Variants in HDAC9 observed in about 807,000 individuals in gnomAD.
The protein encoded by HDAC9 is MEF-2 interacting transcription repressor (MITR) protein.
In HDAC9, 41 loss-of-function variants were observed where a neutral mutation model predicts 139.4. The observed-to-expected ratio is 0.29, with a 90% CI of 0.23 to 0.38. HDAC9 has a LOEUF of 0.38. HDAC9 is among the 10% of genes least tolerant of loss of function. HDAC9 has a pLI of 1.00. For synonymous variants in HDAC9, 517 were observed against 476.2 expected (o/e 1.09, Z -1.12); for missense variants, 1,147 against 1,297.0 (o/e 0.88, Z 1.78).
chr7:18,777,096 G>C (rs1481248024), intron 16 of HDAC9, among the ~76,000 whole-genome samples: 1 of 151,930 alleles, frequency 6.6e-6, no homozygotes, highest in African/African-American at 2.4e-5. Context: ...GGGGGTGGGG[G>C]CACACTTACT....
intron 21 of HDAC9, among the ~76,000 whole-genome samples, chr7:18,869,147 G>GGT (rs58034239): frequency 0.16 from 21,653 of 138,008 alleles, 1,834 homozygotes; most frequent in African/African-American, 0.23. Flanking sequence ...TCACAATTGG[G>GGT]GTGTGTGTGT....
chr7:18,691,685 C>T (rs1248150988), intron 12 of HDAC9, among the ~76,000 whole-genome samples: 1 of 152,074 alleles, frequency 6.6e-6, no homozygotes, highest in Non-Finnish European at 1.5e-5. Flanking sequence ...CTTCACCCTA[C>T]TCTGTGTGTC....
intron 23 of HDAC9, among the ~76,000 whole-genome samples, chr7:18,936,532 A>G (rs1469041675): frequency 2.0e-5 from 3 of 152,194 alleles, no homozygotes; most frequent in Non-Finnish European, 4.4e-5. Context: ...ATACTTTCTG[A>G]CTACTCTGCA....
intron 23 of HDAC9, among the ~76,000 whole-genome samples, chr7:18,943,138 C>T (rs1486398656): frequency 6.6e-6 from 1 of 151,972 alleles, no homozygotes; most frequent in Non-Finnish European, 1.5e-5. Flanking sequence ...GTGAGCCAAG[C>T]CTTCTTCATA....
In HDAC9 at chr7:18,141,219, G is replaced by C. The variant is rs981251715; in HGVS notation, c.-96-21010G>C. ...CAGTACATCTGAATGAGGTGATTAT[G>C]TTCCTTAAAAAGCACTTTCAGGACT... On this transcript the variant is annotated intron_variant, in intron 1 of 12. Transcript: ENST00000417496. Among the ~76,000 whole-genome samples, 37 of 152,278 alleles carry C rather than the reference G, an allele frequency of 2.4e-4. 1 individual carries two copies. In the Middle Eastern group the frequency reaches 0.01, roughly 42 times the overall value.
chr7:18,486,373 T>A (rs373292981), intron 1 of HDAC9, among the ~76,000 whole-genome samples: 15 of 152,278 alleles, frequency 9.9e-5, no homozygotes, highest in African/African-American at 3.6e-4. Flanking sequence ...CTAGAAAGTA[T>A]ATGATCATAA....
rs1038567309 is a variant in HDAC9 at position 18,297,997 on chromosome 7, G to A, written c.-42+7482G>A. Among the ~76,000 whole-genome samples, 8 of 152,174 alleles carry A rather than the reference G, an allele frequency of 5.3e-5. No homozygotes were observed. The East Asian group carries it at 9.7e-4, about 18-fold the overall frequency. Reference sequence around the variant, plus strand: ...ATTTAAATGTTACAGCTCTAAATTCGTTTTTCTCAGAGTCCTGCTACTTAC... The same window carrying A: ...ATTTAAATGTTACAGCTCTAAATTCATTTTTCTCAGAGTCCTGCTACTTAC... On this transcript the variant is annotated intron_variant, in intron 1 of 3. Transcript: ENST00000413509.
chr7:18,378,077 C>T (rs60862719), intron 1 of HDAC9, among the ~76,000 whole-genome samples: 5 of 152,102 alleles, frequency 3.3e-5, no homozygotes, highest in South Asian at 2.1e-4. Flanking sequence ...ATGAAGTGCT[C>T]GAAGGGTTTT....
In HDAC9 at chr7:18,386,404, T is replaced by C. The variant is rs192995459; in HGVS notation, c.-42+95889T>C. On this transcript the variant is annotated intron_variant, in intron 1 of 3. Coordinates refer to the HDAC9 transcript ENST00000413509. ...ACCTTTAAATGAGGTCTTATTTTCA[T>C]TGAACTTGCATAGAAAATCTTATTT... 3.5e-3 allele frequency among the ~76,000 whole-genome samples: 530 copies of C among 152,368 alleles called. 4 individuals carry two copies. Among genetic ancestry groups the C allele is most frequent in the Non-Finnish European group, 6.1e-3 (412 of 68,046 alleles).
chr7:18,519,402 A>G (rs890891709), intron 2 of HDAC9, among the ~76,000 whole-genome samples: 4 of 152,238 alleles, frequency 2.6e-5, no homozygotes, highest in African/African-American at 4.8e-5. Flanking sequence ...AAGCAGAAAT[A>G]TAAACTGTAA....
intron 2 of HDAC9, among the ~76,000 whole-genome samples, chr7:18,518,344 A>C (rs1803899110): frequency 1.3e-5 from 2 of 152,220 alleles, no homozygotes; most frequent in South Asian, 4.1e-4. Context: ...TCTGAATCTA[A>C]GAAAATTGTC....
intron 21 of HDAC9, among the ~76,000 whole-genome samples, chr7:18,857,355 G>GTGTGTGTC (rs1330743472): frequency 6.6e-6 from 1 of 151,722 alleles, no homozygotes; most frequent in African/African-American, 2.4e-5. Flanking sequence ...GTGTGTGTGT[G>GTGTGTGTC]TGTGTGTGTA....
chr7:18,774,262 T>C (rs1327140116), intron 16 of HDAC9, among the ~76,000 whole-genome samples: 1 of 152,102 alleles, frequency 6.6e-6, no homozygotes, highest in Non-Finnish European at 1.5e-5. Flanking sequence ...CTATGAAGAC[T>C]GATAAGACTA....
intron 17 of HDAC9, among the ~76,000 whole-genome samples, chr7:18,799,758 G>A (rs1225803124): frequency 1.3e-5 from 2 of 152,004 alleles, no homozygotes; most frequent in African/African-American, 4.8e-5. Flanking sequence ...AAAATGAACA[G>A]AGTTTCAAAG....
chr7:18,885,829 C>T (rs1021756353), intron 22 of HDAC9, among the ~76,000 whole-genome samples: 3 of 152,134 alleles, frequency 2.0e-5, no homozygotes, highest in Non-Finnish European at 2.9e-5. Flanking sequence ...AGTTTACAGA[C>T]CATGTTTCCT....
intron 1 of HDAC9, among the ~76,000 whole-genome samples, chr7:18,434,375 A>T (rs1790975953): frequency 6.6e-6 from 1 of 152,270 alleles, no homozygotes; most frequent in African/African-American, 2.4e-5. Context: ...TGTCGAAAGC[A>T]ATTGCAACAA....
rs773243185 is a variant in HDAC9, at chr7:18,138,875, A to G, written c.-96-23354A>G. ...CAGAGTACTGGATTCTCTTTATTAT[A>G]CCTTCCTGGCACTCTAGAATAATGA... On this transcript the variant is annotated intron_variant, in intron 1 of 12. Coordinates refer to the HDAC9 transcript ENST00000417496. 1.4e-4 allele frequency among the ~76,000 whole-genome samples: 21 copies of G among 152,032 alleles called. 1 individual carries two copies. The East Asian group carries it at 4.1e-3, about 29-fold the overall frequency.
At chr7:18,770,603 A>G (rs576459230) in intron 16 of HDAC9, among the ~76,000 whole-genome samples, 3 of 152,294 alleles carry the variant, frequency 2.0e-5, no homozygotes, top group African/African-American at 4.8e-5. Context: ...ATCAGCTCCC[A>G]GCTTCAAACG....
chr7:18,780,856 C>T (rs1304808174), intron 16 of HDAC9, among the ~76,000 whole-genome samples: 2 of 151,988 alleles, frequency 1.3e-5, no homozygotes, highest in African/African-American at 4.8e-5. Flanking sequence ...TGCACTAGCC[C>T]ATTGTGTTCT....
Sources: allele counts gnomAD v4.1 joint callset (sites outside exome capture counted in the v4.1 genomes callset), GRCh38; gene constraint gnomAD v4.1.1; transcripts MANE v1.5; gene names NCBI Gene and HGNC (gene_info 2026-07-23, HGNC 2026-07-21).